Variants in CELF2 observed in about 807,000 individuals in gnomAD.
CELF2 encodes CUG triplet repeat RNA-binding protein 2.
In CELF2, 8 loss-of-function variants were observed where a neutral mutation model predicts 62.6. The observed-to-expected ratio is 0.13, with a 90% CI of 0.07 to 0.23. The LOEUF (loss-of-function observed/expected upper bound fraction) is 0.23. CELF2 is among the 10% of genes least tolerant of loss of function. CELF2 has a pLI of 1.00. For missense variants in CELF2, 333 were observed against 671.0 expected (o/e 0.50, Z 5.56); for synonymous variants, 258 against 250.0 (o/e 1.03, Z -0.30).
the CELF2 span, among the ~76,000 whole-genome samples, chr10:10,745,123 A>AC: frequency 0.34 from 39,836 of 117,836 alleles, 5,708 homozygotes; most frequent in African/African-American, 0.43. Context: ...TAAAAAAAAA[A>AC]AAAACAAAAC....
chr10:10,661,575 C>T, the CELF2 span, among the ~76,000 whole-genome samples: 2 of 152,122 alleles, frequency 1.3e-5, no homozygotes, highest in East Asian at 1.9e-4. Context: ...GTTGTAAACA[C>T]CTATCTGCAT....
intron 1 of CELF2, among the ~76,000 whole-genome samples, chr10:10,861,157 T>C (rs144137109): frequency 3.9e-4 from 60 of 152,274 alleles, no homozygotes; most frequent in Admixed American, 1.2e-3. Flanking sequence ...CAATCTCAGC[T>C]CACTGTAACC....
chr10:11,261,873 G>T (rs1285425499), intron 5 of CELF2, among the ~76,000 whole-genome samples: 1 of 152,200 alleles, frequency 6.6e-6, no homozygotes, highest in Admixed American at 6.5e-5. Context: ...AAGTTTCTAA[G>T]CCAAATGTGC....
intron 1 of CELF2, among the ~76,000 whole-genome samples, chr10:10,874,853 C>T (rs544237775): frequency 1.4e-4 from 21 of 152,130 alleles, no homozygotes; most frequent in African/African-American, 2.4e-4. Context: ...AATAATATGA[C>T]GTTGAAGGTG....
At chr10:11,263,011 TAAGAAAAAAGGTGG>T (rs1238736385) in intron 5 of CELF2, among the ~76,000 whole-genome samples, 1 of 135,074 alleles carries the variant, frequency 7.4e-6, no homozygotes, top group Non-Finnish European at 1.6e-5. Flanking sequence ...CTCTTGCAGC[TAAGAAAAAAGGTGG>T]AACACCTGAG....
chr10:10,474,003 A>G, the CELF2 span, among the ~76,000 whole-genome samples: 1 of 152,226 alleles, frequency 6.6e-6, no homozygotes, highest in Non-Finnish European at 1.5e-5. Flanking sequence ...TCCTCTTCTT[A>G]TTTTTATAAC....
intron 1 of CELF2, among the ~76,000 whole-genome samples, chr10:11,147,628 T>A (rs779378958): frequency 1.8e-4 from 27 of 152,212 alleles, no homozygotes; most frequent in Non-Finnish European, 2.6e-4. Context: ...TTAAAGTGAT[T>A]TGGTTCAGCG....
At chr10:10,921,949 A>G (rs1423801639) in intron 2 of CELF2, among the ~76,000 whole-genome samples, 2 of 152,240 alleles carry the variant, frequency 1.3e-5, no homozygotes, top group Non-Finnish European at 2.9e-5. Flanking sequence ...GTAGAAATCA[A>G]GAGAATCTCA....
At chr10:10,905,194 G>A (rs375520293) in intron 1 of CELF2, among the ~76,000 whole-genome samples, 53 of 152,276 alleles carry the variant, frequency 3.5e-4, no homozygotes, top group East Asian at 2.7e-3. Context: ...AACATACTAC[G>A]TAATAATTGG....
At chr10:10,923,763 A>G (rs2065146150) in intron 2 of CELF2, 2 of 152,262 alleles carry the variant, frequency 1.3e-5, no homozygotes, top group Admixed American at 6.5e-5. Context: ...TAAACTGGCT[A>G]CACGTACTAT....
chr10:10,489,287 G>A, the CELF2 span, among the ~76,000 whole-genome samples: 4 of 152,034 alleles, frequency 2.6e-5, no homozygotes, highest in Non-Finnish European at 5.9e-5. Context: ...TAGTCCTGTC[G>A]TCACCTTCAT....
chr10:11,293,175 C>T (rs780085914), intron 9 of CELF2, among the ~76,000 whole-genome samples: 1 of 152,246 alleles, frequency 6.6e-6, no homozygotes, highest in Non-Finnish European at 1.5e-5. Context: ...TTGCAAGCTT[C>T]TCTACCTAGA....
chr10:11,139,719 C>G (rs2060997507), intron 1 of CELF2, among the ~76,000 whole-genome samples: 1 of 152,180 alleles, frequency 6.6e-6, no homozygotes, highest in Admixed American at 6.5e-5. Context: ...TCCTTCTTAC[C>G]TACCCCCTGC....
chr10:11,107,884 A>C (rs2053957341), intron 1 of CELF2, among the ~76,000 whole-genome samples: 3 of 102,982 alleles, frequency 2.9e-5, no homozygotes, highest in African/African-American at 7.7e-5. Flanking sequence ...CCCTTCTCCC[A>C]TCTCCTCCCT....
intron 1 of CELF2, among the ~76,000 whole-genome samples, chr10:10,869,178 A>G (rs1416605945): frequency 6.6e-6 from 1 of 152,170 alleles, no homozygotes; most frequent in Non-Finnish European, 1.5e-5. Flanking sequence ...AAAAGTCTTG[A>G]GTTCTCAGAA....
At chr10:11,041,486 G>C (rs1312970528) in intron 1 of CELF2, among the ~76,000 whole-genome samples, 1 of 152,304 alleles carries the variant, frequency 6.6e-6, no homozygotes, top group African/African-American at 2.4e-5. Flanking sequence ...GGTTCACTCA[G>C]AAAGTCATAC....
chr10:10,922,433 T>C (rs958365574), intron 2 of CELF2, among the ~76,000 whole-genome samples: 2 of 152,182 alleles, frequency 1.3e-5, no homozygotes, highest in African/African-American at 4.8e-5. Flanking sequence ...GTAGAGCAGC[T>C]AAGAAGCAGA....
At chr10:10,688,297 A>G in the CELF2 span, among the ~76,000 whole-genome samples, 269 of 152,330 alleles carry the variant, frequency 1.8e-3, 1 homozygote, top group Middle Eastern at 0.027. Flanking sequence ...GCTTGTTTAT[A>G]AACAGATCTG....
the CELF2 span, among the ~76,000 whole-genome samples, chr10:10,708,288 C>T: frequency 7.9e-5 from 12 of 152,302 alleles, no homozygotes; most frequent in Non-Finnish European, 1.5e-4. Flanking sequence ...ATGCTACCCT[C>T]TGGCTTTACA....
Sources: gnomAD v4.1 joint callset for allele counts (sites outside exome capture counted in the v4.1 genomes callset) on GRCh38, gnomAD v4.1.1 for gene constraint, MANE v1.5 for transcripts, NCBI Gene and HGNC (gene_info 2026-07-23, HGNC 2026-07-21) for gene names.